APBB2: variants seen among roughly 807,000 people sequenced by gnomAD.
APBB2 encodes the protein amyloid beta precursor protein binding family B member 2, also known as Fe65-like 1.
In APBB2, 38 loss-of-function variants were observed where a neutral mutation model predicts 82.5. The observed-to-expected ratio is 0.46, with a 90% CI of 0.36 to 0.60. The LOEUF is 0.60. Ranked by LOEUF, APBB2 falls within the 20% of genes least tolerant of loss-of-function variation. The probability of loss-of-function intolerance (pLI) is 0.00; values close to 1 mark genes in which losing one functional copy is unlikely to be tolerated. For synonymous variants in APBB2, 341 were observed against 368.2 expected (o/e 0.93, Z 0.85); for missense variants, 772 against 972.3 (o/e 0.79, Z 2.74).
intron 1 of APBB2, among the ~76,000 whole-genome samples, chr4:41,184,374 C>T (rs771475936): frequency 1.3e-5 from 2 of 152,178 alleles, no homozygotes; most frequent in Non-Finnish European, 2.9e-5. Context: ...GGATAAAAGG[C>T]AATGGCCAAA....
chr4:40,854,131 G>GT (rs2154328900), intron 12 of APBB2, among the ~76,000 whole-genome samples: 1 of 152,280 alleles, frequency 6.6e-6, no homozygotes, highest in Non-Finnish European at 1.5e-5. Context: ...AGACAATGAA[G>GT]TATTTTCATC....
chr4:41,051,788 C>T (rs556847051), intron 4 of APBB2, among the ~76,000 whole-genome samples: 4 of 152,202 alleles, frequency 2.6e-5, no homozygotes, highest in East Asian at 1.9e-4. Context: ...CACATATACA[C>T]GCTCCAAGCT....
intron 12 of APBB2, among the ~76,000 whole-genome samples, chr4:40,887,481 A>G (rs757181165): frequency 6.6e-6 from 1 of 152,210 alleles, no homozygotes; most frequent in Admixed American, 6.5e-5. Flanking sequence ...TTATTCATGC[A>G]AAGTGAAAAG....
intron 12 of APBB2, among the ~76,000 whole-genome samples, chr4:40,853,353 A>G: frequency 6.9e-6 from 1 of 145,332 alleles, no homozygotes; most frequent in Non-Finnish European, 1.6e-5. Context: ...ACTGCCCACA[A>G]GCCCTAAAGG....
chr4:40,843,147 T>G (rs10023774), intron 12 of APBB2, among the ~76,000 whole-genome samples: 1 of 152,176 alleles, frequency 6.6e-6, no homozygotes, highest in Admixed American at 6.5e-5. Context: ...CCGATTTGCA[T>G]GCACCGTACA....
At position 41,164,632 on chromosome 4, in the gene APBB2, T is replaced by C. The variant is rs75885756; in HGVS notation, c.-416-21490A>G. ...AAAAACAAAACAAAACAAAATCTTA[T>C]ATAGATTGCCTGAAAAAGTGAAGTA... On this transcript the variant is annotated intron_variant, in intron 1 of 17. Coordinates refer to ENST00000508593, the MANE Select transcript of APBB2 (RefSeq NM_004307.2). Among the ~76,000 whole-genome samples the C allele has an allele frequency of 9.6e-3, 1,457 of 152,288 alleles. 29 individuals are homozygous for C. The highest frequency in any genetic ancestry group is 0.033 in the African/African-American group (1,370 of 41,562).
intron 6 of APBB2, among the ~76,000 whole-genome samples, chr4:40,982,448 AGAAAGAATGAAT>A (rs760234979): frequency 0.025 from 3,334 of 130,810 alleles, 474 homozygotes; most frequent in Non-Finnish European, 0.034. Flanking sequence ...AAAGAAAGAA[AGAAAGAATGAAT>A]GAATTTGAGA....
At position 41,110,712 on chromosome 4, in the gene APBB2, T is replaced by A. The variant is rs1271715190; in HGVS notation, c.-260-9962A>T. Among the ~76,000 whole-genome samples, 4 of 152,090 alleles carry A rather than the reference T, an allele frequency of 2.6e-5. No individual in the cohort carries two copies. The South Asian group carries it at 6.2e-4, about 24-fold the overall frequency. On this transcript the variant is annotated intron_variant, in intron 2 of 17. Transcript: ENST00000508593. ...GAAGAGAATATAGGTCTGAGCCCCT[T>A]TGCATCCCCTCTACTTTGTGTTCTC...
intron 1 of APBB2, among the ~76,000 whole-genome samples, chr4:41,191,691 G>T (rs1025106451): frequency 2.0e-5 from 3 of 152,170 alleles, no homozygotes; most frequent in African/African-American, 7.2e-5. Context: ...TAAGGGAAAA[G>T]TTCCTTAACA....
At chr4:40,844,190 A>G (rs577927629) in intron 12 of APBB2, among the ~76,000 whole-genome samples, 2 of 152,296 alleles carry the variant, frequency 1.3e-5, no homozygotes, top group African/African-American at 4.8e-5. Context: ...ACATTCCTTC[A>G]AGTACACTGC....
At chr4:41,167,599 T>C (rs529209763) in intron 1 of APBB2, among the ~76,000 whole-genome samples, 3 of 152,286 alleles carry the variant, frequency 2.0e-5, no homozygotes, top group East Asian at 3.9e-4. Context: ...TCTAAAACAG[T>C]AGTGAATAAT....
chr4:41,023,688 C>A (rs1161306910), intron 5 of APBB2, among the ~76,000 whole-genome samples: 1 of 151,956 alleles, frequency 6.6e-6, no homozygotes, highest in Non-Finnish European at 1.5e-5. Flanking sequence ...AGAGAAGACA[C>A]AAACAAATGG....
chr4:41,211,838 T>C lies in APBB2; in HGVS notation c.-417+2567A>G, dbSNP rs530394722. Among the ~76,000 whole-genome samples the C allele has an allele frequency of 2.0e-5, 3 of 152,310 alleles. No homozygotes were observed. The East Asian group carries it at 5.8e-4, about 29-fold the overall frequency. On this transcript the variant is annotated intron_variant, in intron 1 of 17. Transcript: ENST00000508593. ...AAAGGTACAGAGACACGACATACCATTTTTCTTATTTTTTCCTTCAACTTT... is the reference window on the plus strand; with the variant it reads ...AAAGGTACAGAGACACGACATACCACTTTTCTTATTTTTTCCTTCAACTTT...
In APBB2 at chr4:40,890,295, A is replaced by G. The variant is rs1388778735; in HGVS notation, c.1529+69T>C. 78 of 1,544,462 alleles carry G rather than the reference A, an allele frequency of 5.1e-5. No homozygotes were observed. The South Asian group carries it at 6.8e-4, about 14-fold the overall frequency. Reference sequence around the variant, plus strand: ...GTATTCCGTGAAATGCTGCGAGCCCATGCTTTGGTGTTCAGCTAGACCAGG... The same window carrying G: ...GTATTCCGTGAAATGCTGCGAGCCCGTGCTTTGGTGTTCAGCTAGACCAGG... On this transcript the variant is annotated intron_variant, in intron 12 of 17. Transcript: ENST00000508593.
At chr4:41,152,767 G>A (rs1339795654) in intron 1 of APBB2, among the ~76,000 whole-genome samples, 1 of 152,208 alleles carries the variant, frequency 6.6e-6, no homozygotes, top group Non-Finnish European at 1.5e-5. Flanking sequence ...CCTCCTGAAA[G>A]GATGTGCACT....
intron 12 of APBB2, among the ~76,000 whole-genome samples, chr4:40,870,351 C>T (rs1246545282): frequency 2.6e-5 from 4 of 152,156 alleles, no homozygotes; most frequent in African/African-American, 9.7e-5. Context: ...GGACCCGTGC[C>T]AAGCCCTCTC....
chr4:40,833,999 T>G (rs1353827474), intron 12 of APBB2, among the ~76,000 whole-genome samples: 1 of 152,200 alleles, frequency 6.6e-6, no homozygotes, highest in African/African-American at 2.4e-5. Flanking sequence ...TTAATCTTCA[T>G]TTTCCTCTGG....
chr4:41,108,532 G>A (rs1319776648), intron 2 of APBB2, among the ~76,000 whole-genome samples: 3 of 152,206 alleles, frequency 2.0e-5, no homozygotes, highest in Non-Finnish European at 2.9e-5. Flanking sequence ...CTGAAGAAGA[G>A]GTAGGTCTTC....
intron 12 of APBB2, among the ~76,000 whole-genome samples, chr4:40,831,656 C>A (rs1169200157): frequency 6.6e-6 from 1 of 152,192 alleles, no homozygotes; most frequent in East Asian, 1.9e-4. Context: ...GACCAGCCCA[C>A]AGCTGACTGA....
Sources: allele counts gnomAD v4.1 joint callset (sites outside exome capture counted in the v4.1 genomes callset), GRCh38; gene constraint gnomAD v4.1.1; transcripts MANE v1.5; gene names NCBI Gene and HGNC (gene_info 2026-07-23, HGNC 2026-07-21).